Variants in ACACA observed in about 807,000 individuals in gnomAD.
The protein encoded by ACACA is acetyl-CoA carboxylase 1.
Under a neutral mutation model 296.1 loss-of-function variants are expected in ACACA, and 103 were observed. The ratio of observed to expected loss-of-function variants is 0.35; its 90% CI spans 0.30 to 0.41. The LOEUF is 0.41. Ranked by LOEUF, ACACA falls within the 10% of genes least tolerant of loss-of-function variation. The probability of loss-of-function intolerance (pLI) is 1.00; values close to 1 mark genes in which losing one functional copy is unlikely to be tolerated. For missense variants in ACACA, 1,554 were observed against 2,989.7 expected, an observed-to-expected ratio of 0.52 and a Z score of 11.20; for synonymous variants, 953 against 1,038.6, an observed-to-expected ratio of 0.92 and a Z score of 1.58.
intron 1 of ACACA, among the ~76,000 whole-genome samples, chr17:37,357,980 C>G (rs1343643221): frequency 1.3e-5 from 2 of 152,188 alleles, no homozygotes; most frequent in African/African-American, 4.8e-5. Flanking sequence ...AGGAAATAAA[C>G]TTCTGAGACT....
intron 1 of ACACA, among the ~76,000 whole-genome samples, chr17:37,404,240 G>C (rs2051388944): frequency 6.6e-6 from 1 of 152,196 alleles, no homozygotes; most frequent in African/African-American, 2.4e-5. Context: ...CAAAGACACA[G>C]ATATGTCCTA....
At chr17:37,311,285 T>C (rs2084127300) in intron 3 of ACACA, among the ~76,000 whole-genome samples, 1 of 152,156 alleles carries the variant, frequency 6.6e-6, no homozygotes, top group Admixed American at 6.6e-5. Context: ...TCTATAAAGA[T>C]GGAAGAAATC....
chr17:37,162,025 G>C lies in ACACA; in HGVS notation c.5105C>G (p.Thr1702Ser), dbSNP rs1389316780. ...TTCTGGATATTCAGGACTTTTAAAG[G>C]TCATTTTCCAAGCTACCATGCCAAT... The part of the protein sequence containing the change: ...NEIGMVAWKM[T>S]FKSPEYPEGR... The change falls in exon 42 of 56, where the codon ACC (threonine) becomes AGC (serine). Residue 1702 changes from threonine to serine, a missense_variant. This residue lies in a region of ACACA where 553 missense variants were observed against 1,043.6 expected (regional missense o/e 0.53). Coordinates refer to ENST00000616317, the MANE Select transcript of ACACA (RefSeq NM_198834.3). 6.2e-7 allele frequency: 1 copy of C among 1,614,140 alleles called. No homozygotes were observed. The highest frequency in any genetic ancestry group is 2.2e-5 in the East Asian group (1 of 44,886).
At chr17:37,241,918 G>A (rs1284763638) in intron 23 of ACACA, 35 bp downstream of exon 23, 1 of 1,538,726 alleles carries the variant, frequency 6.5e-7, no homozygotes, top group African/African-American at 1.4e-5. Context: ...CATGAGTATG[G>A]ACAGGTCTGG....
chr17:37,282,877 T>C (rs956989654), intron 5 of ACACA, among the ~76,000 whole-genome samples: 1 of 152,226 alleles, frequency 6.6e-6, no homozygotes, highest in African/African-American at 2.4e-5. Context: ...AAAAAAATCT[T>C]AACCCAAAGT....
chr17:37,303,805 C>T (rs1282967373), intron 3 of ACACA, among the ~76,000 whole-genome samples: 3 of 152,192 alleles, frequency 2.0e-5, no homozygotes, highest in Non-Finnish European at 4.4e-5. Context: ...TTGCAGTGAG[C>T]CAAGATCGCG....
chr17:37,290,596 C>A (rs982496657), intron 3 of ACACA, among the ~76,000 whole-genome samples: 4 of 152,158 alleles, frequency 2.6e-5, no homozygotes, highest in Non-Finnish European at 5.9e-5. Context: ...CTGAATTCAA[C>A]CTTTCTGACT....
chr17:37,301,359 A>G (rs1442670190), intron 3 of ACACA: 4 of 984,944 alleles, frequency 4.1e-6, no homozygotes, highest in African/African-American at 1.7e-5. Flanking sequence ...TACCATGAAC[A>G]GTGTCCAACG....
chr17:37,210,578 A>C lies in ACACA; in HGVS notation c.3684-88T>G, dbSNP rs1457002880. 8.6e-6 allele frequency: 11 copies of C among 1,280,726 alleles called. No individual in the cohort carries two copies. The East Asian group carries it at 2.1e-4, about 24-fold the overall frequency. 79.3% of individuals were successfully genotyped at this position (1,280,726 alleles called of 1,614,324 possible). A position where few individuals can be genotyped will look rare whatever the true frequency, so the allele number is the denominator to read the frequency against. ...TCAGAGCAGATATAGACCAGTCATGAGGAGCTCCAGTTTGGCAGCTCTGGC... is the reference window on the plus strand; with the variant it reads ...TCAGAGCAGATATAGACCAGTCATGCGGAGCTCCAGTTTGGCAGCTCTGGC... On this transcript the variant is annotated intron_variant, in intron 29 of 55. Coordinates refer to ENST00000616317, the MANE Select transcript of ACACA (RefSeq NM_198834.3).
chr17:37,119,820 T>C (rs1451271448), intron 50 of ACACA, among the ~76,000 whole-genome samples: 4 of 152,164 alleles, frequency 2.6e-5, no homozygotes, highest in Non-Finnish European at 4.4e-5. Context: ...CTAAGCTATT[T>C]TTAAGTGCCC....
intron 1 of ACACA, chr17:37,379,409 A>C: frequency 6.2e-7 from 1 of 1,604,700 alleles, no homozygotes; most frequent in Non-Finnish European, 8.5e-7. Context: ...GGAAGGGGGC[A>C]GGCACTAACT....
At position 37,381,637 on chromosome 17, in the gene ACACA, T is replaced by C. The variant is rs1037231475; in HGVS notation, c.38+24625A>G. ...GTCTCTTCCATAGTCTTTTTTTTTTTTTTTTTTTGAGACAGAGTCTCGCTC... is the reference window on the plus strand; with the variant it reads ...GTCTCTTCCATAGTCTTTTTTTTTTCTTTTTTTTGAGACAGAGTCTCGCTC... On this transcript the variant is annotated intron_variant, in intron 1 of 55. Transcript: ENST00000616317. 2.0e-5 allele frequency among the ~76,000 whole-genome samples: 3 copies of C among 149,324 alleles called. No homozygotes were observed. In the South Asian group the frequency reaches 6.4e-4, roughly 32 times the overall value.
chr17:37,296,301 CTT>C (rs369893845), intron 3 of ACACA, among the ~76,000 whole-genome samples: 133 of 100,340 alleles, frequency 1.3e-3, no homozygotes, highest in African/African-American at 3.7e-3. Context: ...TCTTTGGAGC[CTT>C]TTTTTTTTTT....
chr17:37,373,608 G>A (rs908411143), intron 1 of ACACA, among the ~76,000 whole-genome samples: 1 of 152,126 alleles, frequency 6.6e-6, no homozygotes, highest in African/African-American at 2.4e-5. Context: ...GGTGATCAAA[G>A]AAAACTCTTA....
At chr17:37,363,179 C>CTTTTTTTTTT (rs902746004) in intron 1 of ACACA, among the ~76,000 whole-genome samples, 10 of 72,850 alleles carry the variant, frequency 1.4e-4, no homozygotes, top group Admixed American at 2.0e-4. Flanking sequence ...TTCTCTTTTT[C>CTTTTTTTTTT]TTTTTTTTTT....
chr17:37,365,731 G>T (rs1188452653), intron 1 of ACACA: 1 of 985,276 alleles, frequency 1.0e-6, no homozygotes, highest in African/African-American at 1.7e-5. Flanking sequence ...CCTCAGGAAG[G>T]CCACTTCATA....
At chr17:37,391,724 A>G in intron 1 of ACACA, 1 of 1,613,128 alleles carries the variant, frequency 6.2e-7, no homozygotes, top group Non-Finnish European at 8.5e-7. Context: ...CATACTTCTG[A>G]AAAGTTCTGC....
chr17:37,226,726 T>C (rs73299373), intron 25 of ACACA, among the ~76,000 whole-genome samples: 3,769 of 152,206 alleles, frequency 0.025, 158 homozygotes, highest in African/African-American at 0.086. Flanking sequence ...AAGGAATCAT[T>C]AGAGACCACT....
chr17:37,257,173 A>C (rs2081264849), intron 14 of ACACA, among the ~76,000 whole-genome samples: 1 of 152,192 alleles, frequency 6.6e-6, no homozygotes, highest in African/African-American at 2.4e-5. Flanking sequence ...TGTATTAGCA[A>C]TGTAGACAGT....
Sources: gnomAD v4.1 joint callset for allele counts (sites outside exome capture counted in the v4.1 genomes callset) on GRCh38, gnomAD v4.1.1 for gene constraint, gnomAD v4.1.1 regional missense constraint, MANE v1.5 for transcripts, NCBI Gene and HGNC (gene_info 2026-07-23, HGNC 2026-07-21) for gene names.